MRPL17: variants seen among roughly 807,000 people sequenced by gnomAD.
MRPL17 encodes large ribosomal subunit protein bL17m.
MRPL17 carries 8 observed loss-of-function variants against 12.0 expected under a neutral mutation model. The ratio of observed to expected loss-of-function variants is 0.67; its 90% CI spans 0.39 to 1.21. The LOEUF is 1.21. MRPL17 is among the 50% of genes most tolerant of loss of function. The pLI, the probability that MRPL17 is intolerant of heterozygous loss-of-function variation, is 0.01. For synonymous variants in MRPL17, 107 were observed against 92.9 expected, an observed-to-expected ratio of 1.15 and a Z score of -0.87; for missense variants, 263 against 234.4, an observed-to-expected ratio of 1.12 and a Z score of -0.80.
At position 6,681,270 on chromosome 11, in the gene MRPL17, G is replaced by A. The variant is rs186681483; in HGVS notation, c.*848C>T. 2.6e-5 allele frequency: 4 copies of A among 152,326 alleles called. No individual in the cohort carries two copies. The highest frequency in any genetic ancestry group is 9.6e-5 in the African/African-American group (4 of 41,564). The allele number at this position is 152,326 out of a possible 1,614,324, so 9.4% of individuals were successfully genotyped here. Reference sequence around the variant, plus strand: ...AGGGGCTCCCAGCTTCTCACATTCTGAAGCCGGATTTCCCTTTTCTGGGTT... The same window carrying A: ...AGGGGCTCCCAGCTTCTCACATTCTAAAGCCGGATTTCCCTTTTCTGGGTT... On this transcript the variant is annotated 3_prime_UTR_variant, in exon 3 of 3. Transcript: ENST00000288937.
In MRPL17 at chr11:6,682,289, C is replaced by G. The variant is rs773862905; in HGVS notation, c.357G>C (p.Lys119Asn). Residue 119 changes from lysine to asparagine, a missense_variant, in exon 3 of 3, where the codon AAG becomes AAC. Transcript: ENST00000288937. ...QIPNRSLDRA[K>N]MAVIEYKGNC... ...TCCCTTTATACTCGATCACTGCCAT[C>G]TTGGCCCGATCCAAACTCCGATTTG... 6.2e-7 allele frequency: 1 copy of G among 1,614,090 alleles called. No individual in the cohort carries two copies. Among genetic ancestry groups the G allele is most frequent in the African/African-American group, 1.3e-5 (1 of 74,926 alleles).
At position 6,683,282 on chromosome 11, in the gene MRPL17, G is replaced by C. The variant is rs769434741; in HGVS notation, c.15C>G (p.Val5=). Residue 5 remains valine (V), a synonymous_variant, in exon 1 of 3, where the codon GTC becomes GTG. Transcript: ENST00000288937. ...CGCGGCCATGGGAGATCGCTGCAGC[G>C]ACCGACAGCCGCATGTTTCCAACTT... is the stretch of plus-strand genomic sequence containing the variant. The part of the protein sequence containing the change: MRLS[V]AAAISHGRVF... 6.2e-6 allele frequency: 10 copies of C among 1,610,942 alleles called. No homozygotes were observed. The highest frequency in any genetic ancestry group is 3.3e-5 in the Admixed American group (2 of 59,892).
chr11:6,682,509 C>T, intron 2 of MRPL17, 107 bp from the exon 3 acceptor site: 3 of 1,300,086 alleles, frequency 2.3e-6, no homozygotes, highest in East Asian at 2.3e-5. Flanking sequence ...AGAAAGACCT[C>T]CCCCTCCCCT....
intron 1 of MRPL17, 139 bp from the exon 2 acceptor site, chr11:6,682,954 A>C (rs1259158831): frequency 7.9e-7 from 1 of 1,266,942 alleles, no homozygotes; most frequent in Non-Finnish European, 1.1e-6. Context: ...CCGCAGCCCT[A>C]ACCAGTCTTC....
intron 1 of MRPL17, 32 bp from the exon 2 acceptor site, chr11:6,682,847 A>G: frequency 1.3e-6 from 2 of 1,595,366 alleles, no homozygotes; most frequent in Non-Finnish European, 1.7e-6. Flanking sequence ...GATCCAACCG[A>G]GCAAGAAAAC....
At chr11:6,682,634 G>T in intron 2 of MRPL17, 113 bp downstream of exon 2, 2 of 1,096,058 alleles carry the variant, frequency 1.8e-6, no homozygotes, top group Non-Finnish European at 2.8e-6. Flanking sequence ...TTAGTTAGCA[G>T]CACTGGCCCA....
At position 6,683,305 on chromosome 11, in the gene MRPL17, C is replaced by T. The variant is rs141289929; in HGVS notation, c.-9G>A. On this transcript the variant is annotated 5_prime_UTR_variant, in exon 1 of 3. Coordinates refer to ENST00000288937, the MANE Select transcript of MRPL17 (RefSeq NM_022061.4). ...GCGACCGACAGCCGCATGTTTCCAA[C>T]TTCTGCCCGCCCCTTGGAGGCCGGA... 3.1e-3 allele frequency: 4,924 copies of T among 1,606,936 alleles called. 15 individuals are homozygous for T. The highest frequency in any genetic ancestry group is 4.3e-3 in the Admixed American group (254 of 59,600).
At chr11:6,682,624 T>A in intron 2 of MRPL17, 123 bp downstream of exon 2, 1 of 1,048,156 alleles carries the variant, frequency 9.5e-7, no homozygotes, top group Non-Finnish European at 1.5e-6. Context: ...AGTTTCTAAT[T>A]TAGTTAGCAG....
Position 6,682,203 on chromosome 11 carries a change from A to T in MRPL17, c.443T>A (p.Leu148Gln). ...RDSHLTLLNQ[L>Q]LQGLRQDLRQ... is the part of the protein sequence containing the mutation. ...GAGGTCCTGCCGCAAACCCTGCAGCAGCTGGTTTAGGAGTGTAAGGTGGCT... is the reference window on the plus strand; with the variant it reads ...GAGGTCCTGCCGCAAACCCTGCAGCTGCTGGTTTAGGAGTGTAAGGTGGCT... Residue 148 changes from leucine to glutamine, a missense_variant, in exon 3 of 3, where the codon CTG (leucine) becomes CAG (glutamine). Physicochemically the swap from Leu to Gln is moderately radical, Grantham distance 113 (BLOSUM62 -2). Transcript: ENST00000288937. The T allele has an allele frequency of 1.9e-6, 3 of 1,614,184 alleles. No homozygotes were observed. The highest frequency in any genetic ancestry group is 2.5e-6 in the Non-Finnish European group (3 of 1,180,038).
At position 6,683,122 on chromosome 11, in the gene MRPL17, C is replaced by T. The variant is rs943801230; in HGVS notation, c.174+1G>A. 2 of 1,613,182 alleles carry T rather than the reference C, an allele frequency of 1.2e-6. No individual in the cohort carries two copies. The highest frequency in any genetic ancestry group is 1.7e-6 in the Non-Finnish European group (2 of 1,179,574). ...GTGGACAAGAGGGCCGCGCTCCTCACCTTCTCCGCGTAGCCCCTCATTTCG... is the reference window on the plus strand; with the variant it reads ...GTGGACAAGAGGGCCGCGCTCCTCATCTTCTCCGCGTAGCCCCTCATTTCG... On this transcript the variant is annotated splice_donor_variant, in intron 1 of 2. Transcript: ENST00000288937. LOFTEE classifies it high-confidence loss of function.
At chr11:6,682,442 A>G in intron 2 of MRPL17, 40 bp from the exon 3 acceptor site, 2 of 1,594,108 alleles carry the variant, frequency 1.3e-6, no homozygotes, top group Non-Finnish European at 1.7e-6. Flanking sequence ...GAGTCAGGCA[A>G]AACTGCAGAG....
In MRPL17 at chr11:6,681,893, C is replaced by T. The variant is rs1403264040; in HGVS notation, c.*225G>A. 6 of 301,876 alleles carry T rather than the reference C, an allele frequency of 2.0e-5. No homozygotes were observed. Among genetic ancestry groups the T allele is most frequent in the Admixed American group, 5.0e-5 (1 of 20,132 alleles). 18.7% of individuals were successfully genotyped at this position (301,876 alleles called of 1,614,324 possible). ...GAGCATTTGGATAATTCTCATTCTCCAGAAATCCCACAGGAAGGAAAAAAT... is the reference window on the plus strand; with the variant it reads ...GAGCATTTGGATAATTCTCATTCTCTAGAAATCCCACAGGAAGGAAAAAAT... On this transcript the variant is annotated 3_prime_UTR_variant, in exon 3 of 3. Transcript: ENST00000288937.
At position 6,681,158 on chromosome 11, in the gene MRPL17, T is replaced by G. The variant is rs1047918779; in HGVS notation, c.*960A>C. The stretch of plus-strand genomic sequence containing the variant: ...TGCTATCAAGTGTTTGGACCAAGAC[T>G]GATGGCTCCTTTCTAAGTCCTTCCA... On this transcript the variant is annotated 3_prime_UTR_variant, in exon 3 of 3. Coordinates refer to ENST00000288937, the MANE Select transcript of MRPL17 (RefSeq NM_022061.4). 6 of 152,224 alleles carry G rather than the reference T, an allele frequency of 3.9e-5. No homozygotes were observed. Among genetic ancestry groups the G allele is most frequent in the African/African-American group, 1.4e-4 (6 of 41,452 alleles). The allele number at this position is 152,224 out of a possible 1,614,324, so 9.4% of individuals were successfully genotyped here. A position where few individuals can be genotyped will look rare whatever the true frequency, so the allele number is the denominator to read the frequency against.
At position 6,681,080 on chromosome 11, in the gene MRPL17, A is replaced by G. The variant is rs1351657977; in HGVS notation, c.*1038T>C. 2 of 152,222 alleles carry G rather than the reference A, an allele frequency of 1.3e-5. No homozygotes were observed. The highest frequency in any genetic ancestry group is 6.5e-5 in the Admixed American group (1 of 15,290). The allele number at this position is 152,222 out of a possible 1,614,324, so 9.4% of individuals were successfully genotyped here. A position where few individuals can be genotyped will look rare whatever the true frequency, so the allele number is the denominator to read the frequency against. ...CAAATACACTCAGAAGATAGAGCCT[A>G]AGATAAAATCTCTTCTACCCACTTT... On this transcript the variant is annotated 3_prime_UTR_variant, in exon 3 of 3. Transcript: ENST00000288937.
At chr11:6,683,089 C>A in intron 1 of MRPL17, 34 bp downstream of exon 1, 1 of 1,602,298 alleles carries the variant, frequency 6.2e-7, no homozygotes, top group Non-Finnish European at 8.5e-7. Context: ...TCAGACCAGA[C>A]CCGCAGAGTG....
rs1451699209 is a variant in MRPL17, at chr11:6,681,914, AAAAT to A, written c.*200_*203del. The A allele has an allele frequency of 2.3e-5, 8 of 353,098 alleles. No homozygotes were observed. In the South Asian group the frequency reaches 4.3e-4, roughly 19 times the overall value. The allele number at this position is 353,098 out of a possible 1,614,324, so 21.9% of individuals were successfully genotyped here. On this transcript the variant is annotated 3_prime_UTR_variant, in exon 3 of 3. Coordinates refer to ENST00000288937, the MANE Select transcript of MRPL17 (RefSeq NM_022061.4). ...TCTCCAGAAATCCCACAGGAAGGAA[AAAAT>A]AAATAAATTTATATATATTCATATA...
Position 6,683,321 on chromosome 11 carries a change from G to GT in MRPL17, c.-26_-25insA, listed in dbSNP as rs1846591412. On this transcript the variant is annotated 5_prime_UTR_variant, in exon 1 of 3. Transcript: ENST00000288937. ...TGTTTCCAACTTCTGCCCGCCCCTT[G>GT]GAGGCCGGAACTGGAAACTGGAAGG... 1.9e-6 allele frequency: 3 copies of GT among 1,598,938 alleles called. No homozygotes were observed. The East Asian group carries it at 6.8e-5, about 36-fold the overall frequency.
At chr11:6,682,497 A>T in intron 2 of MRPL17, 95 bp from the exon 3 acceptor site, 2 of 1,400,110 alleles carry the variant, frequency 1.4e-6, no homozygotes, top group Non-Finnish European at 2.0e-6. Context: ...CCATCCACAC[A>T]TAGAAAGACC....
chr11:6,681,612 G>A lies in MRPL17; in HGVS notation c.*506C>T, dbSNP rs925259769. 6.6e-6 allele frequency: 1 copy of A among 152,266 alleles called. No homozygotes were observed. Among genetic ancestry groups the A allele is most frequent in the African/African-American group, 2.4e-5 (1 of 41,424 alleles). The allele number at this position is 152,266 out of a possible 1,614,324, so 9.4% of individuals were successfully genotyped here. On this transcript the variant is annotated 3_prime_UTR_variant, in exon 3 of 3. Transcript: ENST00000288937. ...TCCCCTGAAGGTTCGCAGGGTACTA[G>A]ATTGTTTAAGGAAGTTTCACTTGCA...
Sources: gnomAD v4.1 joint callset for allele counts on GRCh38, gnomAD v4.1.1 for gene constraint, MANE v1.5 for transcripts, NCBI Gene and HGNC (gene_info 2026-07-23, HGNC 2026-07-21) for gene names.